The following CPSF1 variants were observed in gnomAD, a reference collection of about 807,000 sequenced individuals.
The protein encoded by CPSF1 is cleavage and polyadenylation specific factor 1, also known as cleavage and polyadenylation specificity factor subunit 1.
Under a neutral mutation model 175.8 loss-of-function variants are expected in CPSF1, and 106 were observed. That is an observed-to-expected ratio of 0.60 (90% confidence interval 0.52 to 0.71). The LOEUF (loss-of-function observed/expected upper bound fraction) is 0.71. CPSF1 is among the 30% of genes least tolerant of loss of function. CPSF1 has a pLI of 0.00. For missense variants in CPSF1, 1,734 were observed against 2,022.9 expected, an observed-to-expected ratio of 0.86 and a Z score of 2.74; for synonymous variants, 1,024 against 858.3, an observed-to-expected ratio of 1.19 and a Z score of -3.37.
In CPSF1 at chr8:144,399,837, G is replaced by A. The variant is rs1554865756; in HGVS notation, c.1063C>T (p.Arg355Cys). The A allele has an allele frequency of 6.4e-7, 1 of 1,554,956 alleles. No individual in the cohort carries two copies. The highest frequency in any genetic ancestry group is 1.4e-5 in the African/African-American group (1 of 73,300). ...TCAAAGTGGAACGCTCGGACACTGC[G>A]CATGCCGTCGGTGATGAGGGTCAGC... Reference protein sequence around the residue: ...YVLTLITDGMRSVRAFHFDKA... With the variant: ...YVLTLITDGMCSVRAFHFDKA... The change falls in exon 11 of 38, where the codon CGC (arginine) becomes TGC (cysteine). Residue 355 changes from arginine (R) to cysteine (C), a missense_variant. By Grantham distance (180) the Arg-to-Cys change is radical. Transcript: ENST00000616140. This position sits in a 1 kb window ranked among gnomAD's most constrained non-coding sequence, Gnocchi z 6.4.
At position 144,397,128 on chromosome 8, in the gene CPSF1, C is replaced by A. The variant is rs182894722; in HGVS notation, c.2592+79G>T. ...CCGTGGGGGAGATGGGGTGGAGCCA[C>A]GGGAAGGGGCGGGGCTGTGGGGGAA... On this transcript the variant is annotated intron_variant, in intron 23 of 37. Coordinates refer to ENST00000616140, the MANE Select transcript of CPSF1 (RefSeq NM_013291.3). The A allele has an allele frequency of 3.4e-5, 29 of 847,080 alleles. No individual in the cohort carries two copies. In the African/African-American group the frequency reaches 1.1e-3, roughly 33 times the overall value. 52.5% of individuals were successfully genotyped at this position (847,080 alleles called of 1,614,324 possible).
chr8:144,400,150 G>GCCACCCCA lies in CPSF1; in HGVS notation c.937+8_937+15dup. The GCCACCCCA allele has an allele frequency of 6.8e-6, 2 of 293,904 alleles. No homozygotes were observed. Among genetic ancestry groups the GCCACCCCA allele is most frequent in the Non-Finnish European group, 1.0e-5 (2 of 193,348 alleles). 18.2% of individuals were successfully genotyped at this position (293,904 alleles called of 1,614,324 possible). A position where few individuals can be genotyped will look rare whatever the true frequency, so the allele number is the denominator to read the frequency against. On this transcript the variant is annotated intron_variant, in intron 9 of 37. Coordinates refer to ENST00000616140, the MANE Select transcript of CPSF1 (RefSeq NM_013291.3). ...CCGTCCCCGGGCCCCCCCCGCCCCA[G>GCCACCCCA]CCACCCCACACTCACGAAGCGGGAA...
chr8:144,395,424 T>TG lies in CPSF1; in HGVS notation c.3096+10dup, dbSNP rs1400566103. On this transcript the variant is annotated intron_variant, in intron 27 of 37. Coordinates refer to ENST00000616140, the MANE Select transcript of CPSF1 (RefSeq NM_013291.3). ...CAGAAGGTCCCTGGTGGGGTGGGGG[T>TG]GGGGGCAGACCTTAGACTCCACGTG... 2 of 1,469,936 alleles carry TG rather than the reference T, an allele frequency of 1.4e-6. No individual in the cohort carries two copies. Among genetic ancestry groups the TG allele is most frequent in the African/African-American group, 3.1e-5 (2 of 64,100 alleles). The allele number at this position is 1,469,936 out of a possible 1,614,324, so 91.1% of individuals were successfully genotyped here. A position where few individuals can be genotyped will look rare whatever the true frequency, so the allele number is the denominator to read the frequency against.
Position 144,394,660 on chromosome 8 carries a change from G to T in CPSF1, c.3551C>A (p.Ser1184Ter). ...ALCHCNGHLV[S>*]AIGQKIFLWS... ...CTGGCACACCTTCTGGCCGATGGCC[G>T]ACACCAGGTGGCCATTGCAGTGGCA... The change falls in exon 31 of 38, where the codon TCG becomes TAG. Residue 1184 changes from serine (S) to a stop codon, truncating the protein, a stop_gained. Transcript: ENST00000616140. LOFTEE classifies it high-confidence loss of function. 1 of 1,608,710 alleles carries T rather than the reference G, an allele frequency of 6.2e-7. No individual in the cohort carries two copies. Among genetic ancestry groups the T allele is most frequent in the Non-Finnish European group, 8.5e-7 (1 of 1,178,018 alleles).
In CPSF1 at chr8:144,393,986, C is replaced by T. The variant is rs1554862505; in HGVS notation, c.3912G>A (p.Val1304=). The T allele has an allele frequency of 6.2e-7, 1 of 1,613,386 alleles. No homozygotes were observed. Among genetic ancestry groups the T allele is most frequent in the Non-Finnish European group, 8.5e-7 (1 of 1,179,824 alleles). The change falls in exon 35 of 38, where the codon GTG becomes GTA. Residue 1304 remains valine (V), a synonymous_variant. Coordinates refer to ENST00000616140, the MANE Select transcript of CPSF1 (RefSeq NM_013291.3). The part of the protein sequence containing the change: ...MRLLRRADFH[V]GAHVNTFWRT... ...TCCAGAACGTGTTCACGTGGGCACC[C>T]ACGTGGAAGTCTGCCCGACGCAGCA...
Position 144,394,682 on chromosome 8 carries a change from G to A in CPSF1, c.3529C>T (p.His1177Tyr), listed in dbSNP as rs1554862914. ...EQKGPVTALC[H>Y]CNGHLVSAIG... ...GCCGACACCAGGTGGCCATTGCAGT[G>A]GCACAGGGCGGTCACGGGCCCCTTC... The change falls in exon 31 of 38, where the codon CAC (histidine) becomes TAC (tyrosine). Residue 1177 changes from histidine to tyrosine, a missense_variant. Physicochemically the swap from His to Tyr is moderately conservative, Grantham distance 83. Transcript: ENST00000616140. 1 of 1,611,852 alleles carries A rather than the reference G, an allele frequency of 6.2e-7. No individual in the cohort carries two copies. Among genetic ancestry groups the A allele is most frequent in the Non-Finnish European group, 8.5e-7 (1 of 1,179,310 alleles).
chr8:144,403,151 C>T (rs1821310630), intron 2 of CPSF1, among the ~76,000 whole-genome samples: 1 of 149,854 alleles, frequency 6.7e-6, no homozygotes, highest in African/African-American at 2.5e-5. Context: ...GGCTGGAGTG[C>T]AATGGTGTGA....
At chr8:144,394,351 G>C (rs1820564849) in intron 32 of CPSF1, 28 bp downstream of exon 32, 2 of 1,590,570 alleles carry the variant, frequency 1.3e-6, no homozygotes, top group Non-Finnish European at 1.7e-6. Flanking sequence ...TACCCACCCA[G>C]ACACGAGCAC....
At position 144,398,621 on chromosome 8, in the gene CPSF1, C is replaced by A; in HGVS notation, c.1656G>T (p.Gly552=). ...VRKEEEDNPK[G]EGTEQEPSTT... is the part of the protein sequence containing the mutation. ...TGCTGGGTTCCTGCTCTGTGCCCTC[C>A]CCCTTGGGATTGTCCTCCTGTCAGG... is the stretch of plus-strand genomic sequence containing the variant. The change falls in exon 18 of 38, where the codon GGG becomes GGT. Residue 552 remains glycine (G), a synonymous_variant. Transcript: ENST00000616140. The A allele has an allele frequency of 6.2e-7, 1 of 1,613,884 alleles. No individual in the cohort carries two copies. Among genetic ancestry groups the A allele is most frequent in the Non-Finnish European group, 8.5e-7 (1 of 1,179,990 alleles).
In CPSF1 at chr8:144,399,206, C is replaced by G. The variant is rs2116860215; in HGVS notation, c.1393-4G>C. ...TGTTCAGGATGCTGTCACACACCTGCGGCACAGCAAGAGTCAGGGGCCCGC... is the reference window on the plus strand; with the variant it reads ...TGTTCAGGATGCTGTCACACACCTGGGGCACAGCAAGAGTCAGGGGCCCGC... On this transcript the variant is annotated splice_region_variant and splice_polypyrimidine_tract_variant and intron_variant, in intron 14 of 37. Coordinates refer to ENST00000616140, the MANE Select transcript of CPSF1 (RefSeq NM_013291.3). The surrounding 1 kb of genome is among the most constrained non-coding windows in gnomAD (Gnocchi z 6.4). 1 of 1,610,252 alleles carries G rather than the reference C, an allele frequency of 6.2e-7. No homozygotes were observed. Among genetic ancestry groups the G allele is most frequent in the Admixed American group, 1.7e-5 (1 of 59,680 alleles).
intron 36 of CPSF1, 36 bp from the exon 37 acceptor site, chr8:144,393,626 G>T: frequency 6.3e-7 from 1 of 1,588,498 alleles, no homozygotes; most frequent in South Asian, 1.1e-5. Context: ...GGGCAGGCTG[G>T]GGTGGAGGGG....
rs1177159060 is a variant in CPSF1 at position 144,398,372 on chromosome 8, A to G, written c.1824T>C (p.Phe608=). 1 of 1,609,892 alleles carries G rather than the reference A, an allele frequency of 6.2e-7. No homozygotes were observed. Among genetic ancestry groups the G allele is most frequent in the Non-Finnish European group, 8.5e-7 (1 of 1,178,762 alleles). The part of the protein sequence containing the change: ...SGFATQGPTV[F]AGNIGDNRYI... ...AGCGGTTGTCCCCGATGTTCCCAGC[A>G]AAGACCGTGGGGCCCTGAGTGGCGA... Residue 608 remains phenylalanine (F), a synonymous_variant, in exon 19 of 38, where the codon TTT becomes TTC. Coordinates refer to ENST00000616140, the MANE Select transcript of CPSF1 (RefSeq NM_013291.3).
chr8:144,405,293 T>G (rs1472043370), intron 2 of CPSF1, among the ~76,000 whole-genome samples: 2 of 152,164 alleles, frequency 1.3e-5, no homozygotes, highest in Non-Finnish European at 2.9e-5. Context: ...TTCTGTGGTG[T>G]TCCTGTCAAA....
Position 144,394,117 on chromosome 8 carries a change from G to A in CPSF1, c.3855C>T (p.Pro1285=), listed in dbSNP as rs139967807. 437 of 1,612,580 alleles carry A rather than the reference G, an allele frequency of 2.7e-4. No individual in the cohort carries two copies. Among genetic ancestry groups the A allele is most frequent in the South Asian group, 7.8e-4 (71 of 91,034 alleles). The change falls in exon 34 of 38, where the codon CCC becomes CCT. Residue 1285 remains proline, a synonymous_variant. Coordinates refer to ENST00000616140, the MANE Select transcript of CPSF1 (RefSeq NM_013291.3). ...DRNLMVYMYL[P]EAKESFGGMR... is the part of the protein sequence containing the mutation. Reference sequence around the variant, plus strand: ...GGGGGTGGAGGAAGCACTCACCTTCGGGCAGGTACATGTACACCATGAGGT... The same window carrying A: ...GGGGGTGGAGGAAGCACTCACCTTCAGGCAGGTACATGTACACCATGAGGT...
rs202113877 is a variant in CPSF1, at chr8:144,398,314, G to A, written c.1882C>T (p.Leu628=). The change falls in exon 19 of 38, where the codon CTG becomes TTG. Residue 628 remains leucine, a synonymous_variant. Coordinates refer to ENST00000616140, the MANE Select transcript of CPSF1 (RefSeq NM_013291.3). ...IVQVSPLGIR[L]LEGVNQLHFI... The stretch of plus-strand genomic sequence containing the variant: ...CCCCCCCACCTACCTCCTTCCAGCA[G>A]GCGGATGCCCAGTGGTGACACTTGG... 1.4e-5 allele frequency: 23 copies of A among 1,588,188 alleles called. No homozygotes were observed. The East Asian group carries it at 2.3e-4, about 16-fold the overall frequency.
intron 35 of CPSF1, 36 bp downstream of exon 35, chr8:144,393,847 C>G: frequency 6.2e-7 from 1 of 1,600,076 alleles, no homozygotes; most frequent in South Asian, 1.1e-5. Flanking sequence ...AACCCTAGGG[C>G]CCCCCACCCA....
At chr8:144,402,439 G>A (rs1310917745) in intron 2 of CPSF1, among the ~76,000 whole-genome samples, 1 of 152,096 alleles carries the variant, frequency 6.6e-6, no homozygotes, top group South Asian at 2.1e-4. Flanking sequence ...CAAGTAGCTG[G>A]GATTACAGGT....
At position 144,395,762 on chromosome 8, in the gene CPSF1, TA is replaced by T. The variant is rs1311049581; in HGVS notation, c.2980-212del. 1.3e-5 allele frequency: 8 copies of T among 598,570 alleles called. No individual in the cohort carries two copies. The Admixed American group carries it at 2.1e-4, about 15-fold the overall frequency. The allele number at this position is 598,570 out of a possible 1,614,324, so 37.1% of individuals were successfully genotyped here. On this transcript the variant is annotated intron_variant, in intron 26 of 37. Transcript: ENST00000616140. ...CCATTTTCCCACGCTCAGCTGGGGC[TA>T]GGGGTGCTGGCCACAGGGGATGGGA... is the stretch of plus-strand genomic sequence containing the variant.
chr8:144,393,794 T>C lies in CPSF1; in HGVS notation c.4018A>G (p.Thr1340Ala), dbSNP rs782180881. The C allele has an allele frequency of 6.3e-7, 1 of 1,599,376 alleles. No homozygotes were observed. Among genetic ancestry groups the C allele is most frequent in the Non-Finnish European group, 8.5e-7 (1 of 1,178,238 alleles). Reference protein sequence around the residue: ...WENKHITWFATLDGGIGLLLP... With the variant: ...WENKHITWFAALDGGIGLLLP... Reference sequence around the variant, plus strand: ...AGCAGCCCGATGCCGCCGTCCAGGGTGGCTGGCAGGGGTAGGGTGAGGGTT... The same window carrying C: ...AGCAGCCCGATGCCGCCGTCCAGGGCGGCTGGCAGGGGTAGGGTGAGGGTT... Residue 1340 changes from threonine (T) to alanine (A), a missense_variant and splice_region_variant, in exon 36 of 38, where the codon ACC becomes GCC. Thr to Ala is a moderately conservative substitution (Grantham distance 58). Around this residue, in one of 10 missense-constraint regions of CPSF1, gnomAD observed 323 missense variants for 338.5 expected, o/e 0.95. Transcript: ENST00000616140.
Sources: gnomAD v4.1 joint callset for allele counts (sites outside exome capture counted in the v4.1 genomes callset) on GRCh38, gnomAD v4.1.1 for gene constraint, gnomAD v4.1.1 regional missense constraint, Gnocchi (gnomAD v3.1) non-coding constraint, MANE v1.5 for transcripts, NCBI Gene and HGNC (gene_info 2026-07-23, HGNC 2026-07-21) for gene names.